Variants in GOT2 observed in about 807,000 individuals in gnomAD.
GOT2 encodes glutamic-oxaloacetic transaminase 2, also known as aspartate aminotransferase, mitochondrial.
GOT2 carries 17 observed loss-of-function variants against 50.0 expected under a neutral mutation model. The ratio of observed to expected loss-of-function variants is 0.34; its 90% confidence interval spans 0.23 to 0.51. The LOEUF is 0.51. Among genes scored for constraint, GOT2 ranks in the 20% least tolerant of loss-of-function variants. GOT2 has a pLI of 0.97. For missense variants in GOT2, 430 were observed against 559.6 expected (o/e 0.77, Z 2.34); for synonymous variants, 172 against 204.9 (o/e 0.84, Z 1.37).
Position 58,711,163 on chromosome 16 carries a change from CTGAGACATAGT to C in GOT2, c.1020-1607_1020-1597del, listed in dbSNP as rs2044645127. On this transcript the variant is annotated intron_variant, in intron 8 of 9. Coordinates refer to ENST00000245206, the MANE Select transcript of GOT2 (RefSeq NM_002080.4). ...GCCAAGCTATTTTAGGTGGTGAGGA[CTGAGACATAGT>C]CCTTGCCTTCAAAAGCTTGCAAGGG... Among the ~76,000 whole-genome samples the C allele has an allele frequency of 1.2e-4, 18 of 152,166 alleles. 1 individual carries two copies. In the South Asian group the frequency reaches 3.7e-3, roughly 32 times the overall value.
At chr16:58,711,805 T>G (rs1220478092) in intron 8 of GOT2, among the ~76,000 whole-genome samples, 1 of 152,106 alleles carries the variant, frequency 6.6e-6, no homozygotes, top group East Asian at 1.9e-4. Context: ...AGATATTGAG[T>G]GCATGAACAG....
Position 58,734,170 on chromosome 16 carries a change from C to T in GOT2, c.59G>A (p.Gly20Asp), listed in dbSNP as rs766405304. Residue 20 changes from glycine to aspartate, a missense_variant, in exon 1 of 10, where the codon GGC becomes GAC. Coordinates refer to ENST00000245206, the MANE Select transcript of GOT2 (RefSeq NM_002080.4). ...LPGIAAAFHP[G>D]LAAAASARAS... ...TCTGGCAGAGGCCGCGGCGGCGAGG[C>T]CCGGGTGGAAGGCGGCGGCGATCCC... The T allele has an allele frequency of 7.5e-7, 1 of 1,333,076 alleles. No individual in the cohort carries two copies. Among genetic ancestry groups the T allele is most frequent in the South Asian group, 2.5e-5 (1 of 39,700 alleles). The allele number at this position is 1,333,076 out of a possible 1,614,324, so 82.6% of individuals were successfully genotyped here.
At chr16:58,712,879 G>C (rs1327651463) in intron 8 of GOT2, among the ~76,000 whole-genome samples, 1 of 152,084 alleles carries the variant, frequency 6.6e-6, no homozygotes, top group African/African-American at 2.4e-5. Flanking sequence ...GGAGGCCGAA[G>C]TGCTAAGGTC....
At chr16:58,716,939 G>A (rs8060056) in intron 6 of GOT2, 126 bp from the exon 7 acceptor site, 21,790 of 763,866 alleles carry the variant, frequency 0.029, 911 homozygotes, top group African/African-American at 0.16. Flanking sequence ...GCCTTTTCTG[G>A]GGCTAACGTA....
chr16:58,729,498 G>GAAAAAA (rs35946557), intron 1 of GOT2, among the ~76,000 whole-genome samples: 11 of 94,368 alleles, frequency 1.2e-4, no homozygotes, highest in Admixed American at 2.3e-4. Flanking sequence ...GTCTCAGGAA[G>GAAAAAA]AAAAAAAAAA....
In GOT2 at chr16:58,722,152, G is replaced by C. The variant is rs368475401; in HGVS notation, c.373C>G (p.Arg125Gly). 2 of 1,611,758 alleles carry C rather than the reference G, an allele frequency of 1.2e-6. No individual in the cohort carries two copies. The highest frequency in any genetic ancestry group is 1.7e-6 in the Non-Finnish European group (2 of 1,179,820). The change falls in exon 3 of 10, where the codon CGG (arginine) becomes GGG (glycine). Residue 125 changes from arginine (R) to glycine (G), a missense_variant and splice_region_variant. Transcript: ENST00000245206. Reference sequence around the variant, plus strand: ...ATGCCAGAGCCTGCTCAGCTTACCCGGCCACTCTTCAAGACTTCGCTGTTC... The same window carrying C: ...ATGCCAGAGCCTGCTCAGCTTACCCCGCCACTCTTCAAGACTTCGCTGTTC... ...GENSEVLKSG[R>G]FVTVQTISGT...
At chr16:58,718,408 C>T in intron 5 of GOT2, 108 bp from the exon 6 acceptor site, 1 of 1,318,848 alleles carries the variant, frequency 7.6e-7, no homozygotes, top group South Asian at 1.3e-5. Flanking sequence ...GTAACCAGAA[C>T]CCTGGGAATC....
intron 7 of GOT2, 138 bp downstream of exon 7, chr16:58,716,524 TC>T: frequency 1.4e-6 from 1 of 721,022 alleles, no homozygotes; most frequent in Non-Finnish European, 2.2e-6. Flanking sequence ...TACTGGTCTT[TC>T]ATCTTAGGGT....
chr16:58,723,396 C>T (rs898905885), intron 2 of GOT2, among the ~76,000 whole-genome samples: 5 of 152,120 alleles, frequency 3.3e-5, no homozygotes, highest in South Asian at 4.1e-4. Context: ...TAGTAATCCA[C>T]GAAGAGCTAT....
At chr16:58,716,595 A>T in intron 7 of GOT2, 68 bp downstream of exon 7, 1 of 1,364,224 alleles carries the variant, frequency 7.3e-7, no homozygotes, top group Non-Finnish European at 1.0e-6. Context: ...CACACCCACA[A>T]GCTCTATGCC....
intron 1 of GOT2, among the ~76,000 whole-genome samples, chr16:58,726,510 T>TATTTATTC (rs1555509479): frequency 1.1e-4 from 16 of 151,144 alleles, no homozygotes; most frequent in African/African-American, 3.6e-4. Flanking sequence ...TTTATTTATT[T>TATTTATTC]TTGAGACGGA....
intron 7 of GOT2, 116 bp downstream of exon 7, chr16:58,716,547 T>C (rs983706542): frequency 2.9e-5 from 23 of 797,594 alleles, no homozygotes; most frequent in Non-Finnish European, 3.8e-5. Context: ...GGGAGGGACA[T>C]GGACATGGAT....
chr16:58,709,605 A>G, intron 8 of GOT2, 38 bp from the exon 9 acceptor site: 4 of 1,575,454 alleles, frequency 2.5e-6, no homozygotes, highest in Non-Finnish European at 3.5e-6. Flanking sequence ...ATTCTGCCTA[A>G]GCACTGACCG....
At chr16:58,708,380 G>A (rs944977463) in intron 9 of GOT2, 87 bp from the exon 10 acceptor site, 5 of 1,285,714 alleles carry the variant, frequency 3.9e-6, no homozygotes, top group African/African-American at 1.5e-5. Flanking sequence ...ACTTACCAAC[G>A]CTCTATTTCC....
intron 3 of GOT2, among the ~76,000 whole-genome samples, chr16:58,719,912 G>C (rs1309180199): frequency 6.6e-6 from 1 of 151,826 alleles, no homozygotes; most frequent in East Asian, 1.9e-4. Context: ...ACATTTTAAA[G>C]GTTTTCTGGC....
At position 58,723,759 on chromosome 16, in the gene GOT2, G is replaced by C; in HGVS notation, c.233C>G (p.Pro78Arg). 6.2e-7 allele frequency: 1 copy of C among 1,612,680 alleles called. No homozygotes were observed. Among genetic ancestry groups the C allele is most frequent in the Admixed American group, 1.7e-5 (1 of 59,990 alleles). ...CAGCAAGCTCACCTTGCGGACGCTA[G>C]GCAGAACGTAAGGCTTTCCATTATC... The part of the protein sequence containing the change: ...RDDNGKPYVL[P>R]SVRKAEAQIA... The change falls in exon 2 of 10, where the codon CCT (proline) becomes CGT (arginine). Residue 78 changes from proline (P) to arginine (R), a missense_variant. Pro to Arg is a moderately radical substitution (Grantham distance 103). Coordinates refer to ENST00000245206, the MANE Select transcript of GOT2 (RefSeq NM_002080.4).
At chr16:58,714,500 C>A (rs986412906) in intron 8 of GOT2, among the ~76,000 whole-genome samples, 1 of 150,042 alleles carries the variant, frequency 6.7e-6, no homozygotes, top group East Asian at 2.0e-4. Context: ...TGCAGTGAGC[C>A]GAGATCCCGC....
chr16:58,727,822 G>C (rs2044800058), intron 1 of GOT2, among the ~76,000 whole-genome samples: 1 of 152,198 alleles, frequency 6.6e-6, no homozygotes, highest in South Asian at 2.1e-4. Flanking sequence ...CTCACGGTGA[G>C]AAGGAGCTGG....
chr16:58,721,968 T>G, intron 3 of GOT2, 182 bp downstream of exon 3: 1 of 496,754 alleles, frequency 2.0e-6, no homozygotes, highest in Non-Finnish European at 3.6e-6. Context: ...TTAGTAGAGA[T>G]GGGGTTTCTC....
Sources: allele counts gnomAD v4.1 joint callset (sites outside exome capture counted in the v4.1 genomes callset), GRCh38; gene constraint gnomAD v4.1.1; transcripts MANE v1.5; gene names NCBI Gene and HGNC (gene_info 2026-07-23, HGNC 2026-07-21).